Variants in GRIK1 observed in about 807,000 individuals in gnomAD.
GRIK1 encodes glutamate ionotropic receptor kainate type subunit 1.
In GRIK1, 69 loss-of-function variants were observed where a neutral mutation model predicts 105.7. The observed-to-expected ratio is 0.65, with a 90% CI of 0.54 to 0.80. The LOEUF (loss-of-function observed/expected upper bound fraction) is 0.80. Among genes scored for constraint, GRIK1 ranks in the 30% least tolerant of loss-of-function variants. The probability of loss-of-function intolerance (pLI) is 0.00; values close to 1 mark genes in which losing one functional copy is unlikely to be tolerated. For missense variants in GRIK1, 1,109 were observed against 1,167.3 expected (o/e 0.95, Z 0.73); for synonymous variants, 438 against 431.3 (o/e 1.02, Z -0.19).
intron 1 of GRIK1, among the ~76,000 whole-genome samples, chr21:29,908,160 A>G (rs1002314757): frequency 4.6e-5 from 7 of 152,026 alleles, no homozygotes; most frequent in African/African-American, 1.7e-4. Flanking sequence ...TCTATAGCCG[A>G]AAAAAAGAGG....
At chr21:29,805,232 C>T (rs1462541027) in intron 1 of GRIK1, among the ~76,000 whole-genome samples, 1 of 152,152 alleles carries the variant, frequency 6.6e-6, no homozygotes, top group East Asian at 1.9e-4. Context: ...GCAGGCTTTG[C>T]TCACTCATTC....
At chr21:29,608,818 T>C (rs2061672439) in intron 7 of GRIK1, among the ~76,000 whole-genome samples, 1 of 152,302 alleles carries the variant, frequency 6.6e-6, no homozygotes, top group Admixed American at 6.5e-5. Context: ...GTCATTGGTA[T>C]AGACTTTGGA....
At chr21:29,894,804 G>A (rs942240391) in intron 1 of GRIK1, among the ~76,000 whole-genome samples, 1 of 152,096 alleles carries the variant, frequency 6.6e-6, no homozygotes, top group African/African-American at 2.4e-5. Context: ...GTGCCCCCTG[G>A]ATCCACTTCT....
At chr21:29,655,661 A>G (rs559508752) in intron 4 of GRIK1, among the ~76,000 whole-genome samples, 1 of 152,262 alleles carries the variant, frequency 6.6e-6, no homozygotes, top group South Asian at 2.1e-4. Flanking sequence ...ATATCTCTGA[A>G]ACCTTTCTCT....
intron 7 of GRIK1, among the ~76,000 whole-genome samples, chr21:29,599,549 C>T (rs1322086994): frequency 6.6e-6 from 1 of 152,142 alleles, no homozygotes; most frequent in African/African-American, 2.4e-5. Flanking sequence ...AATGTGTCAG[C>T]GGGACCGTGC....
intron 13 of GRIK1, among the ~76,000 whole-genome samples, chr21:29,578,647 G>A (rs1445382201): frequency 6.6e-6 from 1 of 152,158 alleles, no homozygotes; most frequent in East Asian, 1.9e-4. Context: ...ATTTGAGTGG[G>A]TAATATTACA....
At chr21:29,618,452 G>A (rs912036108) in intron 7 of GRIK1, among the ~76,000 whole-genome samples, 4 of 152,174 alleles carry the variant, frequency 2.6e-5, no homozygotes, top group African/African-American at 9.7e-5. Flanking sequence ...ACAGCGTGGC[G>A]ATTCCTTAAA....
chr21:29,572,762 G>A (rs1243797718), intron 14 of GRIK1, among the ~76,000 whole-genome samples: 1 of 150,476 alleles, frequency 6.6e-6, no homozygotes, highest in Non-Finnish European at 1.5e-5. Flanking sequence ...AGCTCAATTG[G>A]TCTTTTTTTT....
intron 1 of GRIK1, among the ~76,000 whole-genome samples, chr21:29,776,267 A>T (rs1183136520): frequency 6.6e-6 from 1 of 152,196 alleles, no homozygotes; most frequent in Non-Finnish European, 1.5e-5. Context: ...TCAATGATTT[A>T]CCTTTTTATT....
Position 29,673,047 on chromosome 21 carries a change from T to G in GRIK1, c.662A>C (p.Lys221Thr). The change falls in exon 4 of 18, where the codon AAA (lysine) becomes ACA (threonine). Residue 221 changes from lysine to threonine, a missense_variant. Physicochemically the swap from Lys to Thr is moderately conservative, Grantham distance 78. Transcript: ENST00000327783. ...AAATATCACATAGAACTCCTTGCCT[T>G]TCTTCATCTCCTTGAGTAAAGGCTT... ...DAKPLLKEMK[K>T]GKEFYVIFDC... The G allele has an allele frequency of 1.2e-6, 2 of 1,613,514 alleles. No homozygotes were observed. Among genetic ancestry groups the G allele is most frequent in the Non-Finnish European group, 1.7e-6 (2 of 1,179,454 alleles).
At position 29,650,798 on chromosome 21, in the gene GRIK1, C is replaced by A. The variant is rs76687171; in HGVS notation, c.954+320G>T. 4.3e-3 allele frequency among the ~76,000 whole-genome samples: 648 copies of A among 152,290 alleles called. 4 individuals are homozygous for A. Among genetic ancestry groups the A allele is most frequent in the African/African-American group, 0.015 (621 of 41,558 alleles). On this transcript the variant is annotated intron_variant, in intron 6 of 17. Transcript: ENST00000327783. ...AGGTAGGTTGTTCCTCCTCTTCCCC[C>A]ACCAGCCACCTTCCCCACAGCCACA...
At chr21:29,639,301 G>A (rs2146514479) in intron 7 of GRIK1, among the ~76,000 whole-genome samples, 1 of 152,306 alleles carries the variant, frequency 6.6e-6, no homozygotes, top group Non-Finnish European at 1.5e-5. Context: ...CCAGCATTGT[G>A]CAAGAACTAG....
intron 1 of GRIK1, among the ~76,000 whole-genome samples, chr21:29,807,629 A>G (rs1365648487): frequency 6.6e-6 from 1 of 152,088 alleles, no homozygotes; most frequent in Non-Finnish European, 1.5e-5. Flanking sequence ...AAAATCTATA[A>G]TTATAAAAAA....
chr21:29,681,432 C>T (rs2063374201), intron 3 of GRIK1, among the ~76,000 whole-genome samples: 1 of 152,200 alleles, frequency 6.6e-6, no homozygotes, highest in Admixed American at 6.5e-5. Context: ...ACCCTGGCCT[C>T]CTTGCTGTTG....
intron 14 of GRIK1, among the ~76,000 whole-genome samples, chr21:29,574,293 C>A (rs945076414): frequency 2.0e-5 from 3 of 152,158 alleles, no homozygotes; most frequent in Admixed American, 6.5e-5. Context: ...TTTCAAAGAA[C>A]GGCACAGCCT....
At chr21:29,627,780 G>T (rs1279989484) in intron 7 of GRIK1, among the ~76,000 whole-genome samples, 1 of 152,138 alleles carries the variant, frequency 6.6e-6, no homozygotes, top group Non-Finnish European at 1.5e-5. Flanking sequence ...ATTAATTAAG[G>T]TAATCATTCA....
At chr21:29,920,132 T>C (rs1715839769) in intron 1 of GRIK1, among the ~76,000 whole-genome samples, 1 of 151,522 alleles carries the variant, frequency 6.6e-6, no homozygotes, top group African/African-American at 2.5e-5. Context: ...TCACAGTCTC[T>C]CAGGGGATAA....
chr21:29,775,261 G>T, intron 1 of GRIK1, among the ~76,000 whole-genome samples: 1 of 138,340 alleles, frequency 7.2e-6, no homozygotes, highest in Non-Finnish European at 1.5e-5. Flanking sequence ...GGGCGACAGA[G>T]TGAGCCTCTG....
chr21:29,643,801 C>T (rs150179094), intron 6 of GRIK1, among the ~76,000 whole-genome samples: 7 of 152,230 alleles, frequency 4.6e-5, no homozygotes, highest in African/African-American at 1.7e-4. Context: ...AATACATTAG[C>T]TCATTTGAAA....
Sources: allele counts gnomAD v4.1 joint callset (sites outside exome capture counted in the v4.1 genomes callset), GRCh38; gene constraint gnomAD v4.1.1; transcripts MANE v1.5; gene names NCBI Gene and HGNC (gene_info 2026-07-23, HGNC 2026-07-21).